SLC35F3: variants seen among roughly 807,000 people sequenced by gnomAD.
SLC35F3 encodes the protein putative thiamine transporter SLC35F3.
Under a neutral mutation model 49.9 loss-of-function variants are expected in SLC35F3, and 25 were observed. The ratio of observed to expected loss-of-function variants is 0.50; its 90% CI spans 0.37 to 0.70. The LOEUF is 0.70. Ranked by LOEUF, SLC35F3 falls within the 30% of genes least tolerant of loss-of-function variation. SLC35F3 has a pLI of 0.00. For synonymous variants in SLC35F3, 275 were observed against 265.4 expected (o/e 1.04, Z -0.35); for missense variants, 525 against 639.8 (o/e 0.82, Z 1.94).
intron 2 of SLC35F3, among the ~76,000 whole-genome samples, chr1:233,907,937 G>T (rs1450969691): frequency 6.6e-6 from 1 of 152,168 alleles, no homozygotes; most frequent in Non-Finnish European, 1.5e-5. Context: ...TGTTGGCCAG[G>T]CTGGTCTTGA....
intron 3 of SLC35F3, among the ~76,000 whole-genome samples, chr1:234,279,868 C>G (rs1406856032): frequency 3.9e-5 from 6 of 152,208 alleles, no homozygotes; most frequent in Non-Finnish European, 7.3e-5. Context: ...TATGTTTTCT[C>G]CATCCCATCA....
At position 234,127,723 on chromosome 1, in the gene SLC35F3, T is replaced by C. The variant is rs536620523; in HGVS notation, c.284-103694T>C. Among the ~76,000 whole-genome samples the C allele has an allele frequency of 1.2e-4, 18 of 149,850 alleles. No homozygotes were observed. The South Asian group carries it at 3.8e-3, about 31-fold the overall frequency. Reference sequence around the variant, plus strand: ...TAAAAGCTGAGTATTAAAAATATGATGAGATTTTCTTTGAAGGAAATAAAT... The same window carrying C: ...TAAAAGCTGAGTATTAAAAATATGACGAGATTTTCTTTGAAGGAAATAAAT... On this transcript the variant is annotated intron_variant, in intron 2 of 7. Transcript: ENST00000366618.
chr1:234,320,257 C>CACACACTCATGCATACAT lies in SLC35F3; in HGVS notation c.1237+80_1237+97dup, dbSNP rs1468112937. The CACACACTCATGCATACAT allele has an allele frequency of 1.8e-6, 2 of 1,085,800 alleles. No individual in the cohort carries two copies. The highest frequency in any genetic ancestry group is 2.8e-6 in the Non-Finnish European group (2 of 703,696). 67.3% of individuals were successfully genotyped at this position (1,085,800 alleles called of 1,614,324 possible). ...TCAGTCACCTACTCACACACACATA[C>CACACACTCATGCATACAT]ACACACTCATGCATACATACACACT... On this transcript the variant is annotated intron_variant, in intron 7 of 7. Coordinates refer to ENST00000366618, the MANE Select transcript of SLC35F3 (RefSeq NM_173508.4). This position sits in a 1 kb window ranked among gnomAD's most constrained non-coding sequence, Gnocchi z 4.8.
chr1:234,309,357 G>C, intron 4 of SLC35F3, 37 bp downstream of exon 4: 1 of 1,595,828 alleles, frequency 6.3e-7, no homozygotes, highest in Non-Finnish European at 8.6e-7. Context: ...CCCTCACTCA[G>C]TCATGTCAAC....
In SLC35F3 at chr1:234,053,463, CT is replaced by C. The variant is rs947098279; in HGVS notation, c.283+147712del. On this transcript the variant is annotated intron_variant, in intron 2 of 7. Coordinates refer to ENST00000366618, the MANE Select transcript of SLC35F3 (RefSeq NM_173508.4). ...TCAGAGACTAGGATTGCAACCCCTG[CT>C]TTTTTTGTTGTTTGTTTTCTATTTC... Among the ~76,000 whole-genome samples, 11 of 152,180 alleles carry C rather than the reference CT, an allele frequency of 7.2e-5. No homozygotes were observed. The South Asian group carries it at 2.3e-3, about 32-fold the overall frequency.
chr1:234,024,681 C>T (rs1298901092), intron 2 of SLC35F3, among the ~76,000 whole-genome samples: 1 of 152,148 alleles, frequency 6.6e-6, no homozygotes, highest in Admixed American at 6.5e-5. Flanking sequence ...TGTGATAACC[C>T]ATGATCCACT....
chr1:234,116,762 C>T (rs1332672754), intron 2 of SLC35F3, among the ~76,000 whole-genome samples: 1 of 152,186 alleles, frequency 6.6e-6, no homozygotes, highest in Admixed American at 6.5e-5. Flanking sequence ...GATCCACCCG[C>T]CTTGGCCTCC....
chr1:234,304,622 A>G (rs943815470), intron 3 of SLC35F3, among the ~76,000 whole-genome samples: 3 of 152,120 alleles, frequency 2.0e-5, no homozygotes, highest in Non-Finnish European at 4.4e-5. Flanking sequence ...CAAAATCCAC[A>G]TTTTTATGAG....
intron 3 of SLC35F3, among the ~76,000 whole-genome samples, chr1:234,235,221 T>C (rs1355827907): frequency 1.3e-5 from 2 of 152,184 alleles, no homozygotes; most frequent in African/African-American, 2.4e-5. Flanking sequence ...CACTCAACCA[T>C]CCAGGAGTAC....
intron 4 of SLC35F3, among the ~76,000 whole-genome samples, chr1:234,311,692 A>G (rs943798677): frequency 1.4e-4 from 21 of 152,348 alleles, no homozygotes; most frequent in African/African-American, 4.8e-4. Context: ...GTGAGAAGCC[A>G]TTGGAGTGTC....
intron 4 of SLC35F3, among the ~76,000 whole-genome samples, chr1:234,311,736 G>A (rs899462436): frequency 1.3e-5 from 2 of 152,204 alleles, no homozygotes; most frequent in Non-Finnish European, 2.9e-5. Flanking sequence ...TCCTTGTGTC[G>A]CCATCTGACT....
intron 3 of SLC35F3, among the ~76,000 whole-genome samples, chr1:234,251,441 A>G (rs2102963456): frequency 7.0e-6 from 1 of 143,524 alleles, no homozygotes; most frequent in African/African-American, 2.7e-5. Context: ...TATAGAAGAA[A>G]AGAGCCCATT....
chr1:234,090,561 T>G (rs550285463), intron 2 of SLC35F3, among the ~76,000 whole-genome samples: 2 of 152,356 alleles, frequency 1.3e-5, no homozygotes, highest in African/African-American at 2.4e-5. Flanking sequence ...GAAAGTTAAC[T>G]GGCAGGTACG....
chr1:234,056,553 C>T (rs1664459538), intron 2 of SLC35F3, among the ~76,000 whole-genome samples: 1 of 152,172 alleles, frequency 6.6e-6, no homozygotes, highest in Non-Finnish European at 1.5e-5. Context: ...CATGCAACCA[C>T]TAATCTACTT....
intron 3 of SLC35F3, among the ~76,000 whole-genome samples, chr1:234,269,674 T>A (rs1668066810): frequency 6.6e-6 from 1 of 152,180 alleles, no homozygotes; most frequent in South Asian, 2.1e-4. Context: ...TAATGGGAGA[T>A]GTTTGGCTCA....
At chr1:234,082,048 C>A (rs140988273) in intron 2 of SLC35F3, among the ~76,000 whole-genome samples, 2 of 151,558 alleles carry the variant, frequency 1.3e-5, no homozygotes, top group African/African-American at 4.8e-5. Flanking sequence ...AGCCACTGCG[C>A]CCAGCCCAAA....
chr1:234,134,288 TTAA>T (rs751442009), intron 2 of SLC35F3, among the ~76,000 whole-genome samples: 31 of 143,376 alleles, frequency 2.2e-4, no homozygotes, highest in South Asian at 1.1e-3. Context: ...TTAATTGTAA[TTAA>T]TAATAATTAT....
At chr1:234,087,393 T>C (rs536012730) in intron 2 of SLC35F3, among the ~76,000 whole-genome samples, 1 of 152,338 alleles carries the variant, frequency 6.6e-6, no homozygotes, top group East Asian at 1.9e-4. Flanking sequence ...GCCGGTATTA[T>C]CCGAAGGTCC....
intron 2 of SLC35F3, among the ~76,000 whole-genome samples, chr1:234,051,995 T>C (rs1664384815): frequency 6.6e-6 from 1 of 152,206 alleles, no homozygotes; most frequent in African/African-American, 2.4e-5. Flanking sequence ...GAAGCCAACT[T>C]GATCGTGGTG....
Sources: gnomAD v4.1 joint callset for allele counts (sites outside exome capture counted in the v4.1 genomes callset) on GRCh38, gnomAD v4.1.1 for gene constraint, Gnocchi (gnomAD v3.1) non-coding constraint, MANE v1.5 for transcripts, NCBI Gene and HGNC (gene_info 2026-07-23, HGNC 2026-07-21) for gene names.